MALRD1: variants seen among roughly 807,000 people sequenced by gnomAD.
The protein encoded by MALRD1 is MAM and LDL receptor class A domain containing 1, also known as MAM and LDL-receptor class A domain-containing protein 1.
In MALRD1, 247 loss-of-function variants were observed where a neutral mutation model predicts 242.1. The ratio of observed to expected loss-of-function variants is 1.02; its 90% confidence interval spans 0.92 to 1.13. MALRD1 has a LOEUF of 1.13. Ranked by LOEUF, MALRD1 falls within the 50% of genes most tolerant of loss-of-function variation. MALRD1 has a pLI of 0.00. For synonymous variants in MALRD1, 995 were observed against 866.6 expected (o/e 1.15, Z -2.60); for missense variants, 2,989 against 2,533.1 (o/e 1.18, Z -3.86).
At chr10:19,660,065 G>A (rs142036816) in intron 36 of MALRD1, among the ~76,000 whole-genome samples, 1 of 152,056 alleles carries the variant, frequency 6.6e-6, no homozygotes, top group Non-Finnish European at 1.5e-5. Context: ...TTTCTCTCTG[G>A]GGGTTTATTC....
chr10:19,361,570 G>A (rs368173598), intron 26 of MALRD1, among the ~76,000 whole-genome samples: 1 of 152,056 alleles, frequency 6.6e-6, no homozygotes, highest in Non-Finnish European at 1.5e-5. Flanking sequence ...TATGTGCTAC[G>A]TAACTAGGAT....
At chr10:19,626,294 ATT>A (rs35740836) in intron 36 of MALRD1, among the ~76,000 whole-genome samples, 67 of 134,278 alleles carry the variant, frequency 5.0e-4, no homozygotes, top group South Asian at 1.5e-3. Flanking sequence ...TAAAATCAAG[ATT>A]TTTTTTTTTT....
At chr10:19,666,575 A>T (rs1165646648) in intron 36 of MALRD1, among the ~76,000 whole-genome samples, 1 of 152,146 alleles carries the variant, frequency 6.6e-6, no homozygotes, top group Non-Finnish European at 1.5e-5. Flanking sequence ...ATGATCCATT[A>T]TTGCGAGTAT....
chr10:19,358,991 A>G (rs560871500), intron 26 of MALRD1, among the ~76,000 whole-genome samples: 17 of 152,334 alleles, frequency 1.1e-4, no homozygotes, highest in African/African-American at 4.1e-4. Context: ...ATACATAATA[A>G]GAAATGGAGA....
chr10:19,180,119 C>T (rs1196953622), intron 14 of MALRD1, among the ~76,000 whole-genome samples: 2 of 152,110 alleles, frequency 1.3e-5, no homozygotes, highest in Non-Finnish European at 1.5e-5. Flanking sequence ...TACCTATACC[C>T]GAGGTGAAAA....
At chr10:19,068,311 CG>C (rs917324817) in intron 2 of MALRD1, among the ~76,000 whole-genome samples, 6 of 151,828 alleles carry the variant, frequency 4.0e-5, no homozygotes, top group African/African-American at 1.5e-4. Flanking sequence ...CATTTTCCCT[CG>C]TTTTTTTTAT....
At chr10:19,055,879 A>G (rs1590366167) in intron 1 of MALRD1, among the ~76,000 whole-genome samples, 1 of 152,220 alleles carries the variant, frequency 6.6e-6, no homozygotes, top group East Asian at 1.9e-4. Flanking sequence ...GGATCGAAAA[A>G]CCACCTATTG....
intron 38 of MALRD1, among the ~76,000 whole-genome samples, chr10:19,711,917 A>G (rs751681571): frequency 2.6e-5 from 4 of 152,138 alleles, no homozygotes; most frequent in Non-Finnish European, 5.9e-5. Context: ...GAAAACAGGA[A>G]TTAGAGAGGG....
intron 21 of MALRD1, among the ~76,000 whole-genome samples, chr10:19,300,410 A>C (rs746669890): frequency 1.3e-5 from 2 of 152,032 alleles, no homozygotes; most frequent in Non-Finnish European, 2.9e-5. Flanking sequence ...TAGCAAGAGC[A>C]ATCCTAAGCA....
intron 26 of MALRD1, among the ~76,000 whole-genome samples, chr10:19,363,579 A>C (rs1374874462): frequency 6.6e-6 from 1 of 152,180 alleles, no homozygotes; most frequent in African/African-American, 2.4e-5. Context: ...GTCTAATGAC[A>C]AAACTTGTAG....
At chr10:19,279,900 T>A (rs1215227711) in intron 19 of MALRD1, 147 bp from the exon 20 acceptor site, 1 of 525,766 alleles carries the variant, frequency 1.9e-6, no homozygotes, top group Non-Finnish European at 3.0e-6. Context: ...AGAACCTCGA[T>A]TTTATTTTAG....
At chr10:19,687,213 T>C (rs1842616457) in intron 36 of MALRD1, among the ~76,000 whole-genome samples, 1 of 152,186 alleles carries the variant, frequency 6.6e-6, no homozygotes, top group Non-Finnish European at 1.5e-5. Context: ...ATATTTATGG[T>C]CTTTATGGAT....
chr10:19,598,179 A>G (rs1298812185), intron 34 of MALRD1: 1 of 152,174 alleles, frequency 6.6e-6, no homozygotes, highest in Non-Finnish European at 1.5e-5. Flanking sequence ...AGTGTAAGGT[A>G]AATATTATTA....
chr10:19,354,258 C>G (rs1390278302), intron 26 of MALRD1, among the ~76,000 whole-genome samples: 1 of 151,894 alleles, frequency 6.6e-6, no homozygotes, highest in Non-Finnish European at 1.5e-5. Flanking sequence ...ATGAATCATA[C>G]CAGAGCTCTT....
chr10:19,477,107 C>T (rs1399389233), intron 29 of MALRD1, among the ~76,000 whole-genome samples: 2 of 152,092 alleles, frequency 1.3e-5, no homozygotes, highest in African/African-American at 4.8e-5. Context: ...AAATGCACTA[C>T]AAGAATACGT....
intron 10 of MALRD1, among the ~76,000 whole-genome samples, chr10:19,144,062 C>T (rs1833640476): frequency 6.6e-6 from 1 of 152,166 alleles, no homozygotes; most frequent in Admixed American, 6.5e-5. Context: ...GGGCAAACTG[C>T]ACTTCCCTGT....
intron 33 of MALRD1, among the ~76,000 whole-genome samples, chr10:19,587,210 G>A (rs182937612): frequency 9.8e-4 from 149 of 152,332 alleles, no homozygotes; most frequent in African/African-American, 3.3e-3. Flanking sequence ...GCTAGGAGCT[G>A]TAGACCGGAG....
intron 21 of MALRD1, among the ~76,000 whole-genome samples, chr10:19,307,631 TTG>T (rs1842269372): frequency 6.6e-6 from 1 of 151,388 alleles, no homozygotes; most frequent in Non-Finnish European, 1.5e-5. Flanking sequence ...TTGAGGCAAA[TTG>T]GTAGTGAAAA....
chr10:19,102,391 T>A (rs894895737), intron 4 of MALRD1, among the ~76,000 whole-genome samples: 2 of 152,076 alleles, frequency 1.3e-5, no homozygotes, highest in African/African-American at 4.8e-5. Context: ...GGACTACCTA[T>A]TGACAGATTT....
Sources: allele counts gnomAD v4.1 joint callset (sites outside exome capture counted in the v4.1 genomes callset), GRCh38; gene constraint gnomAD v4.1.1; transcripts MANE v1.5; gene names NCBI Gene and HGNC (gene_info 2026-07-23, HGNC 2026-07-21).